Variants in GPHN observed in about 807,000 individuals in gnomAD.
GPHN encodes gephyrin.
GPHN carries 17 observed loss-of-function variants against 95.5 expected under a neutral mutation model. The ratio of observed to expected loss-of-function variants is 0.18; its 90% CI spans 0.12 to 0.27. GPHN has a LOEUF of 0.27. GPHN is among the 10% of genes least tolerant of loss of function. GPHN has a pLI of 1.00. For synonymous variants in GPHN, 320 were observed against 322.5 expected, an observed-to-expected ratio of 0.99 and a Z score of 0.08; for missense variants, 660 against 978.1, an observed-to-expected ratio of 0.67 and a Z score of 4.34.
chr14:67,083,428 G>A (rs2076767140), intron 11 of GPHN, among the ~76,000 whole-genome samples: 1 of 151,982 alleles, frequency 6.6e-6, no homozygotes, highest in South Asian at 2.1e-4. Context: ...CTCTCCCTTT[G>A]TCTTCTGCCA....
chr14:66,967,299 A>G (rs1438878713), intron 9 of GPHN, among the ~76,000 whole-genome samples: 1 of 151,972 alleles, frequency 6.6e-6, no homozygotes, highest in African/African-American at 2.4e-5. Flanking sequence ...GCATCTGGAA[A>G]TAACGTTTAA....
At chr14:67,674,599 A>G in the GPHN span, 10 of 828,160 alleles carry the variant, frequency 1.2e-5, no homozygotes, top group Non-Finnish European at 1.7e-5. Context: ...CCGCCGCACC[A>G]CCGCCGCCCA....
the GPHN span, chr14:67,383,875 C>T: frequency 9.0e-6 from 2 of 222,236 alleles, no homozygotes; most frequent in Non-Finnish European, 1.8e-5. Flanking sequence ...AGGCTTCTTC[C>T]TTCTTGTCAC....
chr14:66,932,459 T>TGTTTTGG (rs1170265409), intron 8 of GPHN, among the ~76,000 whole-genome samples: 1 of 116,366 alleles, frequency 8.6e-6, no homozygotes, highest in Non-Finnish European at 1.9e-5. Flanking sequence ...TTTTTTTTTT[T>TGTTTTGG]TTTTTTTTTT....
chr14:66,699,482 C>T (rs1176759407), intron 2 of GPHN, among the ~76,000 whole-genome samples: 2 of 152,050 alleles, frequency 1.3e-5, no homozygotes, highest in East Asian at 1.9e-4. Flanking sequence ...GATAGTGACT[C>T]GATGTTGATA....
intron 1 of GPHN, among the ~76,000 whole-genome samples, chr14:66,624,542 C>A (rs2063445626): frequency 6.6e-6 from 1 of 152,148 alleles, no homozygotes; most frequent in Non-Finnish European, 1.5e-5. Flanking sequence ...CCCTCCAGCT[C>A]CAAGGACAGT....
the GPHN span, chr14:67,515,400 G>C: frequency 1.1e-5 from 2 of 179,400 alleles, no homozygotes; most frequent in African/African-American, 4.9e-5. Context: ...CGGGAGGAAA[G>C]GAGCCCCCGG....
At chr14:67,327,947 G>A in the GPHN span, among the ~76,000 whole-genome samples, 2 of 152,208 alleles carry the variant, frequency 1.3e-5, no homozygotes, top group Non-Finnish European at 2.9e-5. Flanking sequence ...CAATGTACGT[G>A]TGCATGTGTC....
chr14:66,670,660 C>T lies in GPHN; in HGVS notation c.65-10447C>T, dbSNP rs575127997. 3.9e-5 allele frequency among the ~76,000 whole-genome samples: 6 copies of T among 152,198 alleles called. No individual in the cohort carries two copies. In the South Asian group the frequency reaches 6.2e-4, roughly 16 times the overall value. ...AAAAAAATTTAGCTGGGCATGGTGG[C>T]GAACGCCTGTGGTCCCAGCTACTTG... On this transcript the variant is annotated intron_variant, in intron 1 of 22. Transcript: ENST00000478722.
the GPHN span, among the ~76,000 whole-genome samples, chr14:67,262,023 G>A: frequency 1.3e-5 from 2 of 152,114 alleles, no homozygotes; most frequent in Non-Finnish European, 2.9e-5. Flanking sequence ...CACTGTGGAT[G>A]CACATTAGGA....
chr14:67,729,741 A>G, the GPHN span: 8 of 508,986 alleles, frequency 1.6e-5, no homozygotes, highest in Admixed American at 1.1e-4. Context: ...TTAAATACCA[A>G]TTAGCACAAA....
intron 1 of GPHN, among the ~76,000 whole-genome samples, chr14:66,652,862 T>C (rs1438451867): frequency 1.3e-5 from 2 of 152,160 alleles, no homozygotes. Context: ...CTCAGAGCTA[T>C]ATGAAGAGCC....
At chr14:67,003,845 G>A (rs539915874) in intron 9 of GPHN, among the ~76,000 whole-genome samples, 1 of 151,596 alleles carries the variant, frequency 6.6e-6, no homozygotes, top group Non-Finnish European at 1.5e-5. Context: ...TTCATATCTT[G>A]TAAACAAGAT....
At chr14:67,631,384 T>C in the GPHN span, among the ~76,000 whole-genome samples, 1 of 151,864 alleles carries the variant, frequency 6.6e-6, no homozygotes, top group Non-Finnish European at 1.5e-5. Flanking sequence ...AACACTATTC[T>C]CTCTTGGCTT....
At chr14:67,721,652 C>G in the GPHN span, among the ~76,000 whole-genome samples, 5 of 151,980 alleles carry the variant, frequency 3.3e-5, no homozygotes, top group African/African-American at 1.2e-4. Flanking sequence ...AACAGCTAAC[C>G]ATAACAGCTG....
intron 7 of GPHN, among the ~76,000 whole-genome samples, chr14:66,923,547 C>A (rs1161252696): frequency 6.6e-6 from 1 of 152,036 alleles, no homozygotes; most frequent in Non-Finnish European, 1.5e-5. Context: ...TTGGGCAACT[C>A]CATGGGTAAA....
At chr14:66,655,980 T>A (rs2065284830) in intron 1 of GPHN, among the ~76,000 whole-genome samples, 1 of 152,198 alleles carries the variant, frequency 6.6e-6, no homozygotes, top group African/African-American at 2.4e-5. Flanking sequence ...TTTTTATATG[T>A]AATTCTGAAT....
At chr14:66,859,342 A>G (rs2062933656) in intron 4 of GPHN, among the ~76,000 whole-genome samples, 1 of 152,186 alleles carries the variant, frequency 6.6e-6, no homozygotes, top group African/African-American at 2.4e-5. Context: ...GGAGAAAATA[A>G]GAGAAGAGAA....
At chr14:67,125,637 C>T (rs1412871314) in intron 17 of GPHN, among the ~76,000 whole-genome samples, 1 of 152,086 alleles carries the variant, frequency 6.6e-6, no homozygotes, top group African/African-American at 2.4e-5. Flanking sequence ...ATTAGCTAGG[C>T]ATGGTGGTGC....
Sources: gnomAD v4.1 joint callset for allele counts (sites outside exome capture counted in the v4.1 genomes callset) on GRCh38, gnomAD v4.1.1 for gene constraint, MANE v1.5 for transcripts, NCBI Gene and HGNC (gene_info 2026-07-23, HGNC 2026-07-21) for gene names.